Variants in UBXN2A observed in about 807,000 individuals in gnomAD.
The protein encoded by UBXN2A is UBX domain protein 2A, also known as UBX domain-containing protein 2A.
Under a neutral mutation model 28.4 loss-of-function variants are expected in UBXN2A, and 28 were observed. The observed-to-expected ratio is 0.99, with a 90% confidence interval of 0.73 to 1.35. The LOEUF is 1.35. UBXN2A is among the 40% of genes most tolerant of loss of function. The probability of loss-of-function intolerance (pLI) is 0.00; values close to 1 mark genes in which losing one functional copy is unlikely to be tolerated. For synonymous variants in UBXN2A, 97 were observed against 103.6 expected, an observed-to-expected ratio of 0.94 and a Z score of 0.39; for missense variants, 253 against 297.9, an observed-to-expected ratio of 0.85 and a Z score of 1.11.
chr2:23,952,419 G>A (rs111403051), intron 1 of UBXN2A, among the ~76,000 whole-genome samples: 15 of 151,764 alleles, frequency 9.9e-5, no homozygotes, highest in African/African-American at 3.4e-4. Context: ...ATATGCCACC[G>A]TGCCGGGCTA....
intron 1 of UBXN2A, among the ~76,000 whole-genome samples, chr2:23,953,114 C>A (rs1558284640): frequency 6.6e-6 from 1 of 151,836 alleles, no homozygotes; most frequent in Non-Finnish European, 1.5e-5. Flanking sequence ...CATAAGGATT[C>A]AAATCTTTGA....
chr2:23,931,010 C>CA (rs1485702321), intron 1 of UBXN2A, among the ~76,000 whole-genome samples: 13 of 152,094 alleles, frequency 8.5e-5, no homozygotes, highest in Non-Finnish European at 1.0e-4. Flanking sequence ...CCTAAAAATA[C>CA]AAAAAAATTA....
At chr2:23,938,752 AG>A (rs1202932247), upstream of UBXN2A, among the ~76,000 whole-genome samples, 3 of 152,198 alleles carry the variant, frequency 2.0e-5, no homozygotes, top group Non-Finnish European at 4.4e-5. Flanking sequence ...CATAAAGATA[AG>A]ATACATAATC....
At position 23,976,974 on chromosome 2, in the gene UBXN2A, T is replaced by C; in HGVS notation, c.186T>C (p.Asp62=). The C allele has an allele frequency of 6.2e-7, 1 of 1,608,630 alleles. No individual in the cohort carries two copies. The highest frequency in any genetic ancestry group is 8.5e-7 in the Non-Finnish European group (1 of 1,175,446). Residue 62 remains aspartate (D), a synonymous_variant, in exon 4 of 7, where the codon GAT becomes GAC. Transcript: ENST00000309033. ...TGTTTCCTACTGTTTTGCAGGTAGA[T>C]GTAAATATAAAATTATGGAAAAACG... is the stretch of plus-strand genomic sequence containing the variant. ...VSPAEQKKQV[D]VNIKLWKNGF...
intron 2 of UBXN2A, 139 bp from the exon 3 acceptor site, chr2:23,971,137 G>A: frequency 1.1e-6 from 1 of 931,278 alleles, no homozygotes; most frequent in South Asian, 3.2e-5. Flanking sequence ...ACTTCCCCAA[G>A]GTTATATTAA....
intron 4 of UBXN2A, among the ~76,000 whole-genome samples, chr2:23,978,868 CAGG>C (rs1461784238): frequency 1.1e-4 from 17 of 151,394 alleles, no homozygotes; most frequent in Non-Finnish European, 2.4e-4. Context: ...GAGGCTGAGG[CAGG>C]AGAATTGCTT....
At chr2:23,937,974 G>T (rs1430640032), upstream of UBXN2A, among the ~76,000 whole-genome samples, 1 of 151,980 alleles carries the variant, frequency 6.6e-6, no homozygotes, top group Non-Finnish European at 1.5e-5. Flanking sequence ...GTAACATGAT[G>T]GTATTTGTGT....
At chr2:23,975,404 TA>T (rs534408395) in intron 3 of UBXN2A, among the ~76,000 whole-genome samples, 3 of 152,010 alleles carry the variant, frequency 2.0e-5, no homozygotes, top group Non-Finnish European at 4.4e-5. Flanking sequence ...GTTTGGTTAT[TA>T]AAAAAAACAT....
At position 23,956,309 on chromosome 2, in the gene UBXN2A, C is replaced by A. The variant is rs534444919; in HGVS notation, c.-14-1992C>A. ...ACCGAATGGGAGCCCCTTCAGAGTG[C>A]CTTTGGGGTCACTTTTTCTTTTCAT... is the stretch of plus-strand genomic sequence containing the variant. On this transcript the variant is annotated intron_variant, in intron 1 of 6. Coordinates refer to ENST00000309033, the MANE Select transcript of UBXN2A (RefSeq NM_181713.4). Among the ~76,000 whole-genome samples, 19 of 152,006 alleles carry A rather than the reference C, an allele frequency of 1.2e-4. 1 individual carries two copies. In the South Asian group the frequency reaches 4.0e-3, roughly 32 times the overall value.
At chr2:23,997,260 C>A (rs1708577142) in intron 6 of UBXN2A, among the ~76,000 whole-genome samples, 1 of 152,136 alleles carries the variant, frequency 6.6e-6, no homozygotes, top group South Asian at 2.1e-4. Flanking sequence ...TTATTAGTCT[C>A]TTTAAATACT....
intron 1 of UBXN2A, chr2:23,944,387 T>A: frequency 1.5e-6 from 2 of 1,350,950 alleles, no homozygotes. Flanking sequence ...TCCTACACAT[T>A]ATTGTATTCA....
At chr2:23,953,904 G>A (rs1238164415) in intron 1 of UBXN2A, among the ~76,000 whole-genome samples, 1 of 152,240 alleles carries the variant, frequency 6.6e-6, no homozygotes, top group East Asian at 1.9e-4. Flanking sequence ...TTTACACTGA[G>A]GCATGTTTTT....
At chr2:23,985,271 C>T (rs1019867355) in intron 6 of UBXN2A, among the ~76,000 whole-genome samples, 10 of 151,454 alleles carry the variant, frequency 6.6e-5, no homozygotes, top group African/African-American at 1.9e-4. Context: ...TTTTTTGAGT[C>T]GGAGTCTCGC....
chr2:23,940,772 G>T (rs547033868), intron 1 of UBXN2A, 124 bp downstream of exon 1: 12 of 152,150 alleles, frequency 7.9e-5, no homozygotes, highest in Non-Finnish European at 1.8e-4. Context: ...GTGTCGGGGG[G>T]AGTCTCGCTC....
At chr2:23,928,063 C>A (rs1229119223) in intron 1 of UBXN2A, among the ~76,000 whole-genome samples, 1 of 151,768 alleles carries the variant, frequency 6.6e-6, no homozygotes, top group Non-Finnish European at 1.5e-5. Context: ...GTAATCCCAG[C>A]TGCTCGGGAA....
chr2:23,941,955 TA>T (rs1705780289), intron 1 of UBXN2A, among the ~76,000 whole-genome samples: 1 of 152,090 alleles, frequency 6.6e-6, no homozygotes, highest in Non-Finnish European at 1.5e-5. Flanking sequence ...GGGGCGTCTG[TA>T]ATCCCAGCTA....
At chr2:23,979,695 A>C (rs1419342106) in intron 4 of UBXN2A, among the ~76,000 whole-genome samples, 2 of 151,994 alleles carry the variant, frequency 1.3e-5, no homozygotes, top group Non-Finnish European at 2.9e-5. Flanking sequence ...CCGCCTCCCA[A>C]ATAGCTGGAA....
At chr2:23,937,698 G>A (rs1431612706), upstream of UBXN2A, among the ~76,000 whole-genome samples, 2 of 152,194 alleles carry the variant, frequency 1.3e-5, no homozygotes, top group Non-Finnish European at 2.9e-5. Context: ...AACCAAAGAG[G>A]TACGAGACTT....
upstream of UBXN2A, among the ~76,000 whole-genome samples, chr2:23,936,534 A>G (rs1232454402): frequency 6.8e-6 from 1 of 148,146 alleles, no homozygotes; most frequent in Non-Finnish European, 1.5e-5. Flanking sequence ...AACCTGGTGA[A>G]AATCCTACCT....
Sources: gnomAD v4.1 joint callset for allele counts (sites outside exome capture counted in the v4.1 genomes callset) on GRCh38, gnomAD v4.1.1 for gene constraint, MANE v1.5 for transcripts, NCBI Gene and HGNC (gene_info 2026-07-23, HGNC 2026-07-21) for gene names.